Variants in COP1 observed in about 807,000 individuals in gnomAD.
COP1 encodes the protein E3 ubiquitin-protein ligase COP1.
COP1 carries 24 observed loss-of-function variants against 101.3 expected under a neutral mutation model. That is an observed-to-expected ratio of 0.24 (90% CI 0.17 to 0.33). COP1 has a LOEUF of 0.33. Among genes scored for constraint, COP1 ranks in the 10% least tolerant of loss-of-function variants. COP1 has a pLI of 1.00. For synonymous variants in COP1, 347 were observed against 341.9 expected, an observed-to-expected ratio of 1.01 and a Z score of -0.17; for missense variants, 663 against 906.2, an observed-to-expected ratio of 0.73 and a Z score of 3.45.
chr1:176,056,140 G>C (rs1673440492), intron 11 of COP1, among the ~76,000 whole-genome samples: 1 of 152,090 alleles, frequency 6.6e-6, no homozygotes, highest in African/African-American at 2.4e-5. Context: ...ATAAATGTTT[G>C]ATCTTACTGT....
chr1:176,055,231 T>C (rs1375310496), intron 11 of COP1, among the ~76,000 whole-genome samples: 1 of 152,190 alleles, frequency 6.6e-6, no homozygotes, highest in South Asian at 2.1e-4. Flanking sequence ...GTCAGGACTT[T>C]GAGACCAGCC....
chr1:175,951,077 C>A (rs889833792), intron 18 of COP1, among the ~76,000 whole-genome samples: 18 of 151,952 alleles, frequency 1.2e-4, no homozygotes, highest in African/African-American at 4.1e-4. Context: ...GAAACCCCAT[C>A]TCTACTAAAA....
chr1:176,163,284 C>A (rs1323030763), intron 4 of COP1, among the ~76,000 whole-genome samples: 1 of 152,134 alleles, frequency 6.6e-6, no homozygotes, highest in Non-Finnish European at 1.5e-5. Flanking sequence ...ATTTGTCTAG[C>A]CATATTTTCA....
At chr1:175,951,535 T>C (rs897257260) in intron 18 of COP1, among the ~76,000 whole-genome samples, 1 of 147,496 alleles carries the variant, frequency 6.8e-6, no homozygotes, top group African/African-American at 2.5e-5. Flanking sequence ...ACTGGAAAAC[T>C]GAAAAAAATA....
chr1:175,983,119 A>G (rs1047760083), intron 18 of COP1, among the ~76,000 whole-genome samples: 3 of 143,830 alleles, frequency 2.1e-5, no homozygotes, highest in African/African-American at 7.5e-5. Context: ...TGTATATGAA[A>G]ATACCACATT....
chr1:176,120,195 C>T lies in COP1; in HGVS notation c.969-3514G>A, dbSNP rs973945569. ...TACTAGCTTAAGAAATTGTGGCAGGCGGATCACCTGAGGTCAGGAGTTCAA... is the reference window on the plus strand; with the variant it reads ...TACTAGCTTAAGAAATTGTGGCAGGTGGATCACCTGAGGTCAGGAGTTCAA... On this transcript the variant is annotated intron_variant, in intron 8 of 19. Transcript: ENST00000367669. Among the ~76,000 whole-genome samples the T allele has an allele frequency of 1.2e-4, 18 of 151,204 alleles. No individual in the cohort carries two copies. In the East Asian group the frequency reaches 3.1e-3, roughly 26 times the overall value.
At chr1:176,083,421 A>G (rs1317790419) in intron 10 of COP1, among the ~76,000 whole-genome samples, 1 of 151,816 alleles carries the variant, frequency 6.6e-6, no homozygotes, top group Non-Finnish European at 1.5e-5. Context: ...AAACAATAAA[A>G]CTAGTTTTTT....
chr1:176,184,599 T>G (rs1023067519), intron 2 of COP1, 34 bp downstream of exon 2: 3 of 1,521,448 alleles, frequency 2.0e-6, no homozygotes, highest in Non-Finnish European at 2.7e-6. Context: ...TTTAAAATGT[T>G]AAAAGATTAT....
chr1:175,994,749 T>C (rs1659653333), intron 15 of COP1, among the ~76,000 whole-genome samples: 1 of 152,282 alleles, frequency 6.6e-6, no homozygotes, highest in Middle Eastern at 3.4e-3. Flanking sequence ...ATAAAGCAAG[T>C]CCTGAGTGAC....
intron 8 of COP1, among the ~76,000 whole-genome samples, chr1:176,117,521 A>G (rs1031468138): frequency 5.3e-5 from 8 of 152,172 alleles, no homozygotes; most frequent in Admixed American, 5.2e-4. Flanking sequence ...ACTATCAACA[A>G]CTGAAAATCA....
At chr1:175,983,455 T>C (rs1656358925) in intron 18 of COP1, among the ~76,000 whole-genome samples, 1 of 152,224 alleles carries the variant, frequency 6.6e-6, no homozygotes, top group African/African-American at 2.4e-5. Flanking sequence ...GAAGCCTCCC[T>C]AGCCATGTGG....
intron 15 of COP1, among the ~76,000 whole-genome samples, chr1:175,990,092 C>G (rs1658044229): frequency 6.6e-6 from 1 of 151,990 alleles, no homozygotes; most frequent in Non-Finnish European, 1.5e-5. Context: ...TAAGGATACA[C>G]AATTCTCTAT....
intron 2 of COP1, 47 bp downstream of exon 2, chr1:176,184,586 A>G: frequency 7.1e-7 from 1 of 1,409,606 alleles, no homozygotes; most frequent in Admixed American, 2.0e-5. Context: ...TTTACAGATA[A>G]GTTTTAAAAT....
In COP1 at chr1:176,001,240, T is replaced by C. The variant is rs142578488; in HGVS notation, c.1730-11761A>G. On this transcript the variant is annotated intron_variant, in intron 15 of 19. Coordinates refer to ENST00000367669, the MANE Select transcript of COP1 (RefSeq NM_022457.7). ...CTAAAGAGAATTAACATCAGAATTG[T>C]CTGAATCATCAGAAACATCTATTTC... Among the ~76,000 whole-genome samples the C allele has an allele frequency of 5.9e-3, 895 of 152,240 alleles. 12 individuals are homozygous for C. Among genetic ancestry groups the C allele is most frequent in the African/African-American group, 0.021 (858 of 41,556 alleles).
chr1:176,133,148 A>G (rs1689175845), intron 8 of COP1, among the ~76,000 whole-genome samples: 1 of 139,464 alleles, frequency 7.2e-6, no homozygotes, highest in Non-Finnish European at 1.6e-5. Context: ...ATACGTATAT[A>G]CGTACATATA....
chr1:176,081,262 C>G lies in COP1; in HGVS notation c.1167G>C (p.Leu389Phe). Reference sequence around the variant, plus strand: ...TGGACAAGCATTCCTGAAATTCATCCAACTGGCTTGCAGTTCGACTGTCAT... The same window carrying G: ...TGGACAAGCATTCCTGAAATTCATCGAACTGGCTTGCAGTTCGACTGTCAT... ...ISDDSRTASQ[L>F]DEFQECLSKF... The change falls in exon 11 of 20, where the codon TTG becomes TTC. Residue 389 changes from leucine (L) to phenylalanine (F), a missense_variant. This residue lies in a region of COP1 where 212 missense variants were observed against 240.7 expected (regional missense o/e 0.88). Transcript: ENST00000367669. 1 of 1,594,306 alleles carries G rather than the reference C, an allele frequency of 6.3e-7. No individual in the cohort carries two copies. The highest frequency in any genetic ancestry group is 2.2e-5 in the East Asian group (1 of 44,458).
intron 6 of COP1, among the ~76,000 whole-genome samples, chr1:176,144,961 CTTCT>C (rs766135987): frequency 2.0e-5 from 3 of 152,054 alleles, no homozygotes; most frequent in Non-Finnish European, 2.9e-5. Context: ...GTGGAAAAGA[CTTCT>C]TTAAGTGACA....
chr1:176,159,982 G>T (rs112572570), intron 5 of COP1, among the ~76,000 whole-genome samples: 1 of 152,088 alleles, frequency 6.6e-6, no homozygotes, highest in African/African-American at 2.4e-5. Flanking sequence ...TTTTCTGTAT[G>T]CTGGAAAGAT....
intron 19 of COP1, among the ~76,000 whole-genome samples, chr1:175,946,023 TC>T (rs1215329998): frequency 1.3e-5 from 2 of 152,200 alleles, no homozygotes; most frequent in Non-Finnish European, 2.9e-5. Context: ...ATGCTGGCAA[TC>T]CCAATTGGTG....
Sources: allele counts gnomAD v4.1 joint callset (sites outside exome capture counted in the v4.1 genomes callset), GRCh38; gene constraint gnomAD v4.1.1; regional missense constraint gnomAD v4.1.1; transcripts MANE v1.5; gene names NCBI Gene and HGNC (gene_info 2026-07-23, HGNC 2026-07-21).